Variants in LACTB2 observed in about 807,000 individuals in gnomAD.
LACTB2 encodes the protein endoribonuclease LACTB2.
LACTB2 carries 32 observed loss-of-function variants against 34.8 expected under a neutral mutation model. The ratio of observed to expected loss-of-function variants is 0.92; its 90% confidence interval spans 0.69 to 1.24. The LOEUF is 1.24. LACTB2 is among the 50% of genes most tolerant of loss of function. The pLI, the probability that LACTB2 is intolerant of heterozygous loss-of-function variation, is 0.00. For synonymous variants in LACTB2, 120 were observed against 117.5 expected (o/e 1.02, Z -0.14); for missense variants, 320 against 345.0 (o/e 0.93, Z 0.57).
In LACTB2 at chr8:70,648,964, GGCTT is replaced by G. The variant is rs797003293; in HGVS notation, c.414-4725_414-4722del. Among the ~76,000 whole-genome samples, 829 of 152,144 alleles carry G rather than the reference GGCTT, an allele frequency of 5.4e-3. 9 individuals carry two copies. The highest frequency in any genetic ancestry group is 0.019 in the African/African-American group (782 of 41,506). On this transcript the variant is annotated intron_variant, in intron 3 of 6. Coordinates refer to ENST00000276590, the MANE Select transcript of LACTB2 (RefSeq NM_016027.3). The stretch of plus-strand genomic sequence containing the variant: ...ACCAAAGAAGTTCAGCAATCAGAAG[GGCTT>G]TAGATTTCTCTATTGCAATATTGAA...
Position 70,640,905 on chromosome 8 carries a change from GTAA to G in LACTB2, c.735_737del (p.Tyr246del). ...AAATAAGAAAACTGAAAATTACCTT[GTAA>G]ATAATTTTTACAAGCTCCATTACTG... On this transcript the variant is annotated inframe_deletion, in exon 5 of 7. Coordinates refer to ENST00000276590, the MANE Select transcript of LACTB2 (RefSeq NM_016027.3). 3 of 1,575,572 alleles carry G rather than the reference GTAA, an allele frequency of 1.9e-6. No individual in the cohort carries two copies. The highest frequency in any genetic ancestry group is 2.6e-6 in the Non-Finnish European group (3 of 1,164,784).
rs1215975742 is a variant in LACTB2, at chr8:70,668,995, T to C, written c.122+4A>G. On this transcript the variant is annotated splice_donor_region_variant and intron_variant, in intron 1 of 6. Coordinates refer to ENST00000276590, the MANE Select transcript of LACTB2 (RefSeq NM_016027.3). ...CGTTGGGGAGGTTGGAGAGGGACGT[T>C]TACCTGGGGCCGGTCCCCACTAGGT... The C allele has an allele frequency of 5.7e-6, 9 of 1,581,266 alleles. No individual in the cohort carries two copies. In the South Asian group the frequency reaches 8.0e-5, roughly 14 times the overall value.
chr8:70,658,391 C>T (rs569990119), intron 2 of LACTB2, among the ~76,000 whole-genome samples: 2 of 152,222 alleles, frequency 1.3e-5, no homozygotes, highest in East Asian at 3.9e-4. Context: ...TCTATACCAC[C>T]CTTCACTGAC....
chr8:70,663,487 G>C (rs1818503992), intron 1 of LACTB2, among the ~76,000 whole-genome samples: 1 of 152,198 alleles, frequency 6.6e-6, no homozygotes, highest in African/African-American at 2.4e-5. Context: ...CCGGAGACAG[G>C]AGACCAGATG....
At chr8:70,646,305 C>T (rs1043685631) in intron 3 of LACTB2, 2 of 152,144 alleles carry the variant, frequency 1.3e-5, no homozygotes, top group Admixed American at 1.3e-4. Flanking sequence ...ATCTACTCAT[C>T]TGACAAAGGG....
chr8:70,644,250 G>T lies in LACTB2; in HGVS notation c.414-7C>A, dbSNP rs574668556. The T allele has an allele frequency of 8.4e-6, 13 of 1,539,136 alleles. No homozygotes were observed. The African/African-American group carries it at 1.4e-4, about 16-fold the overall frequency. ...GCCAGGGGTATATAGAACTCTGGTT[G>T]AAAGAAGAAATAAGGAATAATAACA... On this transcript the variant is annotated splice_region_variant and splice_polypyrimidine_tract_variant and intron_variant, in intron 3 of 6. Transcript: ENST00000276590.
At chr8:70,648,647 C>T (rs768998696) in intron 3 of LACTB2, among the ~76,000 whole-genome samples, 3 of 151,894 alleles carry the variant, frequency 2.0e-5, no homozygotes, top group Non-Finnish European at 4.4e-5. Context: ...TGAAACAGCA[C>T]AAAAGAGATG....
At chr8:70,657,913 TCA>T in intron 2 of LACTB2, 31 bp from the exon 3 acceptor site, 1 of 1,462,224 alleles carries the variant, frequency 6.8e-7, no homozygotes, top group Non-Finnish European at 9.4e-7. Context: ...ATATATTAAT[TCA>T]CACTTTATAA....
chr8:70,652,900 T>TGTG (rs1818361344), intron 3 of LACTB2: 1 of 21,944 alleles, frequency 4.6e-5, no homozygotes, highest in African/African-American at 1.5e-4. Flanking sequence ...CCCATGATTC[T>TGTG]ATGTGATAAA....
chr8:70,662,737 G>C (rs1036996466), intron 1 of LACTB2: 1 of 152,306 alleles, frequency 6.6e-6, no homozygotes, highest in Non-Finnish European at 1.5e-5. Flanking sequence ...ACCCAGGCTG[G>C]AGTGCAGTGT....
intron 3 of LACTB2, among the ~76,000 whole-genome samples, chr8:70,650,678 G>A (rs1818327568): frequency 7.8e-6 from 1 of 127,442 alleles, no homozygotes; most frequent in African/African-American, 3.0e-5. Context: ...TGCAGTTGCA[G>A]TGAGCCAACA....
At chr8:70,638,160 A>G (rs1274111838) in intron 6 of LACTB2, among the ~76,000 whole-genome samples, 1 of 152,246 alleles carries the variant, frequency 6.6e-6, no homozygotes, top group Non-Finnish European at 1.5e-5. Flanking sequence ...AAATAATTAC[A>G]TAATTACTGC....
rs746395016 is a variant in LACTB2 at position 70,644,265 on chromosome 8, GAAT to G, written c.414-25_414-23del. ...AACTCTGGTTGAAAGAAGAAATAAG[GAAT>G]AATAACAATTATGAACTCGAGCTTA... On this transcript the variant is annotated intron_variant, in intron 3 of 6. Coordinates refer to ENST00000276590, the MANE Select transcript of LACTB2 (RefSeq NM_016027.3). 11 of 1,481,338 alleles carry G rather than the reference GAAT, an allele frequency of 7.4e-6. No homozygotes were observed. The Admixed American group carries it at 2.3e-4, about 31-fold the overall frequency. 91.8% of individuals were successfully genotyped at this position (1,481,338 alleles called of 1,614,324 possible).
chr8:70,645,493 C>T (rs1818252446), intron 3 of LACTB2, among the ~76,000 whole-genome samples: 1 of 144,994 alleles, frequency 6.9e-6, no homozygotes, highest in South Asian at 2.2e-4. Context: ...GAAAAAGACT[C>T]TTTTTTTTTT....
At chr8:70,650,519 C>G (rs1267426352) in intron 3 of LACTB2, among the ~76,000 whole-genome samples, 1 of 152,130 alleles carries the variant, frequency 6.6e-6, no homozygotes, top group East Asian at 1.9e-4. Flanking sequence ...GGCCTGAGGT[C>G]AGGAGTTCGA....
chr8:70,640,639 TAGTTTCTCCTACATAGTTAGGC>T (rs1406678808), intron 5 of LACTB2: 2 of 218,706 alleles, frequency 9.1e-6, no homozygotes, highest in East Asian at 1.1e-4. Context: ...AGGCTGTTGG[TAGTTTCTCCTACATAGTTAGGC>T]AGTTTCTCCT....
chr8:70,654,712 C>G (rs767255609), intron 3 of LACTB2: 1 of 152,364 alleles, frequency 6.6e-6, no homozygotes, highest in Non-Finnish European at 1.5e-5. Context: ...CCTTAGGCAA[C>G]CTGGTGGTCC....
chr8:70,657,737 C>T lies in LACTB2; in HGVS notation c.413+19G>A. On this transcript the variant is annotated intron_variant, in intron 3 of 6. Coordinates refer to ENST00000276590, the MANE Select transcript of LACTB2 (RefSeq NM_016027.3). ...TACACAGACTCTTCACCTTCCCTGG[C>T]TAAGGGACATTTACTTACCTTAGAG... 1 of 1,601,534 alleles carries T rather than the reference C, an allele frequency of 6.2e-7. No individual in the cohort carries two copies. The highest frequency in any genetic ancestry group is 8.5e-7 in the Non-Finnish European group (1 of 1,174,274).
chr8:70,653,937 T>C (rs939148163), intron 3 of LACTB2: 5 of 152,210 alleles, frequency 3.3e-5, no homozygotes, highest in Admixed American at 6.5e-5. Flanking sequence ...TGGGAACCTT[T>C]TTGGGACTGT....
Sources: allele counts gnomAD v4.1 joint callset (sites outside exome capture counted in the v4.1 genomes callset), GRCh38; gene constraint gnomAD v4.1.1; transcripts MANE v1.5; gene names NCBI Gene and HGNC (gene_info 2026-07-23, HGNC 2026-07-21).